The following PHYHD1 variants were observed in gnomAD, a reference collection of about 807,000 sequenced individuals.
PHYHD1 encodes phytanoyl-CoA dioxygenase domain containing 1, also known as phytanoyl-CoA dioxygenase domain-containing protein 1.
A neutral mutation model predicts 43.6 loss-of-function variants in PHYHD1; 42 were observed. The ratio of observed to expected loss-of-function variants is 0.96; its 90% confidence interval spans 0.75 to 1.25. The LOEUF is 1.25. Ranked by LOEUF, PHYHD1 falls within the 50% of genes most tolerant of loss-of-function variation. PHYHD1 has a pLI of 0.00. For missense variants in PHYHD1, 342 were observed against 370.8 expected (o/e 0.92, Z 0.64); for synonymous variants, 139 against 143.6 (o/e 0.97, Z 0.23).
At chr9:128,932,529 G>A (rs1237358955) in intron 4 of PHYHD1, among the ~76,000 whole-genome samples, 18 of 151,890 alleles carry the variant, frequency 1.2e-4, no homozygotes, top group Admixed American at 2.0e-4. Context: ...CACCATGCCC[G>A]GCTAATTTTG....
At chr9:128,933,577 A>T in intron 4 of PHYHD1, 1 of 679,106 alleles carries the variant, frequency 1.5e-6, no homozygotes, top group Admixed American at 2.2e-5. Context: ...TGTCCAAGAA[A>T]TTCCATGTTT....
chr9:128,941,351 A>C (rs988687544), intron 11 of PHYHD1, 94 bp from the exon 12 acceptor site: 34 of 1,528,270 alleles, frequency 2.2e-5, no homozygotes, highest in Admixed American at 7.1e-5. Context: ...GGGGCCACAA[A>C]ACCACTGGAA....
At chr9:128,934,807 T>G (rs1014799686) in intron 6 of PHYHD1, among the ~76,000 whole-genome samples, 3 of 150,626 alleles carry the variant, frequency 2.0e-5, no homozygotes, top group Admixed American at 1.3e-4. Context: ...AAGCCCATAG[T>G]AAATTAGTGG....
Position 128,926,882 on chromosome 9 carries a change from T to C in PHYHD1, c.34-156T>C, listed in dbSNP as rs1365630730. 3 of 959,180 alleles carry C rather than the reference T, an allele frequency of 3.1e-6. No individual in the cohort carries two copies. In the African/African-American group the frequency reaches 4.8e-5, roughly 15 times the overall value. The allele number at this position is 959,180 out of a possible 1,614,324, so 59.4% of individuals were successfully genotyped here. The stretch of plus-strand genomic sequence containing the variant: ...TTCCATTCAAGCAGCCAATATTGAT[T>C]GCTCTTTGCTGGGTGCCAGACTCCA... On this transcript the variant is annotated intron_variant, in intron 3 of 12. Transcript: ENST00000372592.
intron 3 of PHYHD1, among the ~76,000 whole-genome samples, chr9:128,924,473 G>A (rs1012167472): frequency 2.0e-5 from 3 of 151,836 alleles, no homozygotes; most frequent in South Asian, 2.1e-4. Context: ...TTAGCCAGGC[G>A]TGGTGGTGTG....
At position 128,937,947 on chromosome 9, in the gene PHYHD1, A is replaced by G. The variant is rs1385547362; in HGVS notation, c.457+169A>G. ...TTCCTTCCCCTGATAGTGGATTGGT[A>G]GGGAAACCTTGCGTCCTTGGCATAG... On this transcript the variant is annotated intron_variant, in intron 9 of 12. Coordinates refer to ENST00000372592, the MANE Select transcript of PHYHD1 (RefSeq NM_001100876.2). 2.7e-5 allele frequency: 40 copies of G among 1,505,222 alleles called. No individual in the cohort carries two copies. The Admixed American group carries it at 8.8e-4, about 33-fold the overall frequency. The allele number at this position is 1,505,222 out of a possible 1,614,324, so 93.2% of individuals were successfully genotyped here.
chr9:128,932,444 C>T lies in PHYHD1; in HGVS notation c.193-1338C>T, dbSNP rs1398216205. ...GTGCAATGGCACGATCTTGGCTCACCGCAACCTCCGCCTCCCAGGTTCAAG... is the reference window on the plus strand; with the variant it reads ...GTGCAATGGCACGATCTTGGCTCACTGCAACCTCCGCCTCCCAGGTTCAAG... On this transcript the variant is annotated intron_variant, in intron 4 of 12. Coordinates refer to ENST00000372592, the MANE Select transcript of PHYHD1 (RefSeq NM_001100876.2). Among the ~76,000 whole-genome samples, 5 of 151,548 alleles carry T rather than the reference C, an allele frequency of 3.3e-5. No homozygotes were observed. The South Asian group carries it at 6.2e-4, about 19-fold the overall frequency.
chr9:128,924,923 G>A (rs1307170114), intron 3 of PHYHD1, among the ~76,000 whole-genome samples: 1 of 152,134 alleles, frequency 6.6e-6, no homozygotes, highest in Non-Finnish European at 1.5e-5. Flanking sequence ...CAACAAGAGT[G>A]AGACTCCGTC....
intron 4 of PHYHD1, among the ~76,000 whole-genome samples, chr9:128,931,011 C>T (rs1841262924): frequency 6.6e-6 from 1 of 151,706 alleles, no homozygotes; most frequent in Non-Finnish European, 1.5e-5. Flanking sequence ...ATAGTAGACC[C>T]TACCTCTCTG....
intron 9 of PHYHD1, among the ~76,000 whole-genome samples, chr9:128,939,625 A>G (rs1169953714): frequency 8.0e-6 from 1 of 124,610 alleles, no homozygotes; most frequent in African/African-American, 2.6e-5. Flanking sequence ...TGGATGCCTG[A>G]TCATAGCATC....
intron 8 of PHYHD1, among the ~76,000 whole-genome samples, chr9:128,937,261 G>GA (rs76089520): frequency 1.4e-4 from 21 of 145,808 alleles, no homozygotes; most frequent in Middle Eastern, 3.6e-3. Flanking sequence ...CAAAAAGGAA[G>GA]AAAAAAAAAA....
rs1841430971 is a variant in PHYHD1 at position 128,936,658 on chromosome 9, T to C, written c.435+13T>C. ...GTACATCTTTAAGGTGAGCTCCTTG[T>C]CCTTGCCTCAGTTTACCATCTGTAA... On this transcript the variant is annotated intron_variant, in intron 8 of 12. Transcript: ENST00000372592. The C allele has an allele frequency of 6.4e-7, 1 of 1,551,676 alleles. No individual in the cohort carries two copies. The highest frequency in any genetic ancestry group is 8.7e-7 in the Non-Finnish European group (1 of 1,147,028).
rs2131123031 is a variant in PHYHD1, at chr9:128,941,948, G to C, written c.*235G>C. Reference sequence around the variant, plus strand: ...TGAGGAGGCTTCTCAGCCACCAAAGGGTTCTGGCCCCTTCTCACTCTCCTC... The same window carrying C: ...TGAGGAGGCTTCTCAGCCACCAAAGCGTTCTGGCCCCTTCTCACTCTCCTC... On this transcript the variant is annotated 3_prime_UTR_variant, in exon 13 of 13. Coordinates refer to ENST00000372592, the MANE Select transcript of PHYHD1 (RefSeq NM_001100876.2). 1 of 591,856 alleles carries C rather than the reference G, an allele frequency of 1.7e-6. No individual in the cohort carries two copies. The highest frequency in any genetic ancestry group is 3.0e-5 in the Admixed American group (1 of 33,676). The allele number at this position is 591,856 out of a possible 1,614,324, so 36.7% of individuals were successfully genotyped here.
intron 11 of PHYHD1, 59 bp downstream of exon 11, chr9:128,940,774 C>T (rs1162288148): frequency 7.7e-6 from 12 of 1,551,270 alleles, no homozygotes; most frequent in African/African-American, 1.4e-5. Flanking sequence ...TGTGCTTGCT[C>T]GACTACCCAG....
chr9:128,932,172 A>AT (rs1367583651), intron 4 of PHYHD1, among the ~76,000 whole-genome samples: 3,411 of 102,486 alleles, frequency 0.033, 88 homozygotes, highest in Admixed American at 0.061. Context: ...TATTATTGTT[A>AT]TTATTATTAT....
In PHYHD1 at chr9:128,922,295, AG is replaced by A; in HGVS notation, c.-28del. On this transcript the variant is annotated 5_prime_UTR_variant, in exon 3 of 13. Transcript: ENST00000372592. ...TCCTCCCCACCAGGAGGCCGCGCTT[AG>A]AAGCCGCCCAGTGCCCTGAGCGTCT... 1 of 1,550,756 alleles carries A rather than the reference AG, an allele frequency of 6.4e-7. No individual in the cohort carries two copies.
At chr9:128,925,246 G>T (rs970666904) in intron 3 of PHYHD1, among the ~76,000 whole-genome samples, 2 of 148,976 alleles carry the variant, frequency 1.3e-5, no homozygotes, top group Non-Finnish European at 1.5e-5. Context: ...TTTTTTTTGA[G>T]ATGAAGTCTT....
chr9:128,927,106 A>C lies in PHYHD1; in HGVS notation c.102A>C (p.Gln34His). ...CGGAAGAGTGTGTGGCCATGCAACA[A>C]AGGATTGGCGAGATAGTGGCTGAAA... ...LSAEECVAMQ[Q>H]RIGEIVAEMD... is the part of the protein sequence containing the mutation. Residue 34 changes from glutamine to histidine, a missense_variant, in exon 4 of 13, where the codon CAA becomes CAC. Gln to His is a conservative substitution (Grantham distance 24). Transcript: ENST00000372592. 6.2e-7 allele frequency: 1 copy of C among 1,614,142 alleles called. No homozygotes were observed.
At chr9:128,936,246 AATAAGGGC>A (rs1455919396) in intron 6 of PHYHD1, among the ~76,000 whole-genome samples, 194 bp from the exon 7 acceptor site, 3 of 151,894 alleles carry the variant, frequency 2.0e-5, no homozygotes, top group Non-Finnish European at 4.4e-5. Context: ...GAAGGTCAAG[AATAAGGGC>A]ATGGGTGGCA....
Sources: allele counts gnomAD v4.1 joint callset (sites outside exome capture counted in the v4.1 genomes callset), GRCh38; gene constraint gnomAD v4.1.1; transcripts MANE v1.5; gene names NCBI Gene and HGNC (gene_info 2026-07-23, HGNC 2026-07-21).